The following DAPK1 variants were observed in gnomAD, a reference collection of about 807,000 sequenced individuals.
DAPK1 encodes death associated protein kinase 1.
A neutral mutation model predicts 144.9 loss-of-function variants in DAPK1; 56 were observed. The observed-to-expected ratio is 0.39, with a 90% CI of 0.31 to 0.48. The LOEUF (loss-of-function observed/expected upper bound fraction) is 0.48, where lower values mean the gene tolerates loss of function less well. Ranked by LOEUF, DAPK1 falls within the 20% of genes least tolerant of loss-of-function variation. DAPK1 has a pLI of 0.95. For missense variants in DAPK1, 1,454 were observed against 1,875.4 expected, an observed-to-expected ratio of 0.78 and a Z score of 4.15; for synonymous variants, 690 against 749.0, an observed-to-expected ratio of 0.92 and a Z score of 1.29.
intron 19 of DAPK1, among the ~76,000 whole-genome samples, chr9:87,680,672 C>CAA (rs1036948365): frequency 1.2e-4 from 19 of 152,010 alleles, no homozygotes; most frequent in African/African-American, 4.6e-4. Context: ...CACACACACA[C>CAA]ATTGAAGGCT....
chr9:87,555,325 C>A (rs1288066220), intron 2 of DAPK1, among the ~76,000 whole-genome samples: 1 of 152,140 alleles, frequency 6.6e-6, no homozygotes, highest in Non-Finnish European at 1.5e-5. Context: ...TCTTAAGCAA[C>A]ATATCTGCCC....
At chr9:87,697,613 T>C (rs1428788519) in intron 22 of DAPK1, among the ~76,000 whole-genome samples, 1 of 152,190 alleles carries the variant, frequency 6.6e-6, no homozygotes, top group East Asian at 1.9e-4. Flanking sequence ...GGGTACAGAA[T>C]TAGTCAGCAG....
At position 87,519,044 on chromosome 9, in the gene DAPK1, C is replaced by T. The variant is rs1357509580; in HGVS notation, c.62+19905C>T. 2.0e-5 allele frequency among the ~76,000 whole-genome samples: 3 copies of T among 152,192 alleles called. No individual in the cohort carries two copies. The East Asian group carries it at 5.8e-4, about 29-fold the overall frequency. On this transcript the variant is annotated intron_variant, in intron 2 of 25. Coordinates refer to ENST00000408954, the MANE Select transcript of DAPK1 (RefSeq NM_004938.4). Reference sequence around the variant, plus strand: ...CTTGGCCAAGTCGAGTAAGTAACATCGGACTGATAGGAGGAAGAGCAGCTT... The same window carrying T: ...CTTGGCCAAGTCGAGTAAGTAACATTGGACTGATAGGAGGAAGAGCAGCTT...
At chr9:87,679,643 A>C (rs1182130577) in intron 19 of DAPK1, among the ~76,000 whole-genome samples, 2 of 152,192 alleles carry the variant, frequency 1.3e-5, no homozygotes, top group African/African-American at 4.8e-5. Context: ...GGCTGAATCT[A>C]GATTTTCCTG....
chr9:87,591,001 G>C (rs1828113395), intron 2 of DAPK1, among the ~76,000 whole-genome samples: 1 of 152,154 alleles, frequency 6.6e-6, no homozygotes, highest in African/African-American at 2.4e-5. Context: ...CCTTTCAAGG[G>C]CCAATTACAA....
At chr9:87,705,238 T>TA (rs1204758199) in intron 25 of DAPK1, among the ~76,000 whole-genome samples, 1 of 139,878 alleles carries the variant, frequency 7.1e-6, no homozygotes, top group Non-Finnish European at 1.5e-5. Flanking sequence ...ATTAATTAAT[T>TA]AATTTTTTTT....
chr9:87,696,078 A>C (rs1018232497), intron 21 of DAPK1, among the ~76,000 whole-genome samples: 1 of 152,052 alleles, frequency 6.6e-6, no homozygotes, highest in Middle Eastern at 3.2e-3. Flanking sequence ...ATATGACCTG[A>C]TGGATCTTTG....
At chr9:87,548,638 A>G (rs1359478796) in intron 2 of DAPK1, among the ~76,000 whole-genome samples, 1 of 152,102 alleles carries the variant, frequency 6.6e-6, no homozygotes, top group Non-Finnish European at 1.5e-5. Context: ...TGGCACTGTT[A>G]TTATTTTGTA....
At chr9:87,660,880 T>C (rs958121865) in intron 18 of DAPK1, among the ~76,000 whole-genome samples, 3 of 152,242 alleles carry the variant, frequency 2.0e-5, no homozygotes, top group African/African-American at 7.2e-5. Context: ...AGAGTCTCGC[T>C]CTTCGCCAGG....
At chr9:87,662,570 T>TTTTGTTG (rs1554700261) in intron 18 of DAPK1, among the ~76,000 whole-genome samples, 8,111 of 135,816 alleles carry the variant, frequency 0.06, 508 homozygotes, top group East Asian at 0.16. Context: ...GTTTTTTTTT[T>TTTTGTTG]TTTTTTTTTT....
chr9:87,690,884 A>G (rs906717135), intron 21 of DAPK1, among the ~76,000 whole-genome samples: 4 of 151,876 alleles, frequency 2.6e-5, no homozygotes, highest in Non-Finnish European at 5.9e-5. Context: ...GTGGTGTATC[A>G]TCTTTTTTGT....
chr9:87,527,444 A>C (rs1825555319), intron 2 of DAPK1, among the ~76,000 whole-genome samples: 1 of 151,942 alleles, frequency 6.6e-6, no homozygotes, highest in African/African-American at 2.4e-5. Flanking sequence ...ATTGTTACTC[A>C]CCGGCCTTAC....
chr9:87,508,035 C>T (rs944170339), intron 2 of DAPK1, among the ~76,000 whole-genome samples: 9 of 151,936 alleles, frequency 5.9e-5, no homozygotes, highest in South Asian at 2.1e-4. Context: ...TTTTTGGAGA[C>T]GGAGTGTCGC....
chr9:87,625,813 T>C (rs1233724768), intron 3 of DAPK1, among the ~76,000 whole-genome samples: 1 of 152,204 alleles, frequency 6.6e-6, no homozygotes, highest in Non-Finnish European at 1.5e-5. Flanking sequence ...ATTTAAAACA[T>C]CCGTTTAACA....
intron 2 of DAPK1, among the ~76,000 whole-genome samples, chr9:87,511,394 T>C (rs1267748730): frequency 6.6e-6 from 1 of 152,184 alleles, no homozygotes; most frequent in African/African-American, 2.4e-5. Flanking sequence ...GGATACCCTT[T>C]TCAAAGTCCA....
At chr9:87,692,332 T>G (rs1246569335) in intron 21 of DAPK1, among the ~76,000 whole-genome samples, 1 of 152,134 alleles carries the variant, frequency 6.6e-6, no homozygotes, top group East Asian at 1.9e-4. Flanking sequence ...GGAATATCTT[T>G]TTGTATCCCT....
Position 87,644,216 on chromosome 9 carries a change from C to T in DAPK1, c.1011+748C>T, listed in dbSNP as rs538292294. On this transcript the variant is annotated intron_variant, in intron 11 of 25. Coordinates refer to ENST00000408954, the MANE Select transcript of DAPK1 (RefSeq NM_004938.4). ...CTAGCCTTTATTTTCTTTATTTTCC[C>T]CTCTAATCCAAACTGAAACCTAATC... Among the ~76,000 whole-genome samples the T allele has an allele frequency of 1.5e-4, 23 of 152,036 alleles. 1 individual carries two copies. Among genetic ancestry groups the T allele is most frequent in the Middle Eastern group, 3.4e-3 (1 of 294 alleles).
chr9:87,689,784 C>T (rs1824994019), intron 21 of DAPK1, among the ~76,000 whole-genome samples: 2 of 151,954 alleles, frequency 1.3e-5, no homozygotes, highest in Admixed American at 6.6e-5. Flanking sequence ...AGTATGTGTT[C>T]TTATTGCCTC....
intron 3 of DAPK1, among the ~76,000 whole-genome samples, chr9:87,628,438 T>C (rs929388496): frequency 2.6e-5 from 4 of 152,208 alleles, no homozygotes; most frequent in Non-Finnish European, 4.4e-5. Context: ...TCACTCCGGT[T>C]CGACAAATGC....
Sources: allele counts gnomAD v4.1 joint callset (sites outside exome capture counted in the v4.1 genomes callset), GRCh38; gene constraint gnomAD v4.1.1; transcripts MANE v1.5; gene names NCBI Gene and HGNC (gene_info 2026-07-23, HGNC 2026-07-21).